The following ABCC12 variants were observed in gnomAD, a reference collection of about 807,000 sequenced individuals.
ABCC12 encodes ATP-binding cassette sub-family C member 12.
A neutral mutation model predicts 151.1 loss-of-function variants in ABCC12; 142 were observed. That is an observed-to-expected ratio of 0.94 (90% CI 0.82 to 1.08). The LOEUF (loss-of-function observed/expected upper bound fraction) is 1.08. Ranked by LOEUF, ABCC12 falls within the 50% of genes least tolerant of loss-of-function variation. ABCC12 has a pLI of 0.00. For missense variants in ABCC12, 1,638 were observed against 1,691.1 expected, an observed-to-expected ratio of 0.97 and a Z score of 0.55; for synonymous variants, 645 against 646.4, an observed-to-expected ratio of 1.00 and a Z score of 0.03.
At chr16:48,108,367 G>T in intron 19 of ABCC12, 73 bp downstream of exon 19, 1 of 1,339,210 alleles carries the variant, frequency 7.5e-7, no homozygotes, top group Non-Finnish European at 1.1e-6. Context: ...ATCATAAAAC[G>T]TGAACCCAAC....
chr16:48,146,375 C>A lies in ABCC12; in HGVS notation c.50G>T (p.Arg17Leu). Residue 17 changes from arginine (R) to leucine (L), a missense_variant, in exon 3 of 31, where the codon CGG becomes CTG. Physicochemically the swap from Arg to Leu is moderately radical, Grantham distance 102 (BLOSUM62 -2). Coordinates refer to ENST00000311303, the MANE Select transcript of ABCC12 (RefSeq NM_001393797.1). Reference sequence around the variant, plus strand: ...ATATCTTTCTGCAAAGGATCTCCGCCGGCCTCGCTGGTCCAGATCTGAGAT... The same window carrying A: ...ATATCTTTCTGCAAAGGATCTCCGCAGGCCTCGCTGGTCCAGATCTGAGAT... The part of the protein sequence containing the change: ...YLISDLDQRG[R>L]RRSFAERYDP... 6.2e-7 allele frequency: 1 copy of A among 1,614,158 alleles called. No individual in the cohort carries two copies. Among genetic ancestry groups the A allele is most frequent in the South Asian group, 1.1e-5 (1 of 91,088 alleles).
chr16:48,128,849 C>T (rs898589938), intron 10 of ABCC12, 112 bp from the exon 11 acceptor site: 1 of 1,206,112 alleles, frequency 8.3e-7, no homozygotes, highest in Non-Finnish European at 1.2e-6. Flanking sequence ...TAACCCACCA[C>T]ATCCAGGAAA....
intron 2 of ABCC12, among the ~76,000 whole-genome samples, chr16:48,147,554 G>A (rs1448348014): frequency 6.6e-6 from 1 of 152,198 alleles, no homozygotes; most frequent in Non-Finnish European, 1.5e-5. Context: ...AGAGCTGGAA[G>A]TGTCCTCAGA....
chr16:48,152,044 G>A (rs1027206814), intron 2 of ABCC12, among the ~76,000 whole-genome samples: 1 of 152,204 alleles, frequency 6.6e-6, no homozygotes, highest in Non-Finnish European at 1.5e-5. Context: ...ACTTAGGTAA[G>A]AGTCGAGACA....
chr16:48,125,113 A>C (rs1964197279), intron 11 of ABCC12, among the ~76,000 whole-genome samples: 1 of 152,232 alleles, frequency 6.6e-6, no homozygotes, highest in South Asian at 2.1e-4. Context: ...ATTTGAATGA[A>C]AGTCACACTC....
chr16:48,154,385 A>C (rs1158988042), intron 1 of ABCC12, among the ~76,000 whole-genome samples: 1 of 152,172 alleles, frequency 6.6e-6, no homozygotes, highest in African/African-American at 2.4e-5. Flanking sequence ...AAAAAAAATA[A>C]GACTGGCTTC....
At chr16:48,146,539 C>A in intron 2 of ABCC12, 65 bp from the exon 3 acceptor site, 1 of 800,608 alleles carries the variant, frequency 1.2e-6, no homozygotes. Context: ...CAGGCAGCCT[C>A]TACTTTACCC....
chr16:48,130,384 A>T (rs771803147), intron 10 of ABCC12, among the ~76,000 whole-genome samples: 2 of 152,220 alleles, frequency 1.3e-5, no homozygotes, highest in African/African-American at 2.4e-5. Flanking sequence ...GAATAAAGGG[A>T]CTAAATGAGT....
chr16:48,095,094 C>T (rs1963046581), intron 24 of ABCC12, among the ~76,000 whole-genome samples: 1 of 152,144 alleles, frequency 6.6e-6, no homozygotes, highest in African/African-American at 2.4e-5. Context: ...GGCTTTGTCC[C>T]CACACAAATC....
intron 24 of ABCC12, among the ~76,000 whole-genome samples, chr16:48,092,707 G>C: frequency 6.6e-6 from 1 of 152,168 alleles, no homozygotes; most frequent in East Asian, 1.9e-4. Context: ...GGCAGGGATG[G>C]TGCACAAGGC....
chr16:48,124,113 T>C lies in ABCC12; in HGVS notation c.1587+100A>G, dbSNP rs1189466191. 1.7e-5 allele frequency: 22 copies of C among 1,268,206 alleles called. No homozygotes were observed. The East Asian group carries it at 4.6e-4, about 27-fold the overall frequency. 78.6% of individuals were successfully genotyped at this position (1,268,206 alleles called of 1,614,324 possible). On this transcript the variant is annotated intron_variant, in intron 12 of 30. Transcript: ENST00000311303. ...TGTGAACCACATGCACAGTGTCCAG[T>C]GCAGCCGAGGCCATCTGCTGGGTCC...
In ABCC12 at chr16:48,096,739, GCAT is replaced by G. The variant is rs1215091595; in HGVS notation, c.3195+4_3195+6del. 1 of 1,613,744 alleles carries G rather than the reference GCAT, an allele frequency of 6.2e-7. No homozygotes were observed. Among genetic ancestry groups the G allele is most frequent in the African/African-American group, 1.3e-5 (1 of 74,912 alleles). ...CAGACTAAGCCCAACTTTGCACCAG[GCAT>G]TACCTGGATGATGTATGACAATGAC... is the stretch of plus-strand genomic sequence containing the variant. On this transcript the variant is annotated splice_donor_5th_base_variant and intron_variant, in intron 24 of 30. Transcript: ENST00000311303.
At chr16:48,148,982 G>A (rs867703001) in intron 2 of ABCC12, among the ~76,000 whole-genome samples, 3 of 151,878 alleles carry the variant, frequency 2.0e-5, no homozygotes, top group Middle Eastern at 3.4e-3. Flanking sequence ...TGTTTAATAC[G>A]TATTTGTTGA....
intron 2 of ABCC12, chr16:48,146,676 G>A (rs1965014992): frequency 1.2e-5 from 5 of 412,096 alleles, no homozygotes; most frequent in Admixed American, 8.0e-5. Context: ...CTTATTAGTA[G>A]GACCATTTAA....
At chr16:48,153,973 G>A (rs1965150501) in intron 1 of ABCC12, 89 bp from the exon 2 acceptor site, 1 of 152,418 alleles carries the variant, frequency 6.6e-6, no homozygotes, top group Non-Finnish European at 1.5e-5. Flanking sequence ...TCCTCTGCCA[G>A]GAGTGAGGAG....
intron 24 of ABCC12, among the ~76,000 whole-genome samples, chr16:48,092,264 G>A (rs576610398): frequency 6.6e-6 from 1 of 152,342 alleles, no homozygotes; most frequent in Admixed American, 6.5e-5. Flanking sequence ...GTACCAGGAG[G>A]GGATGGAGGA....
chr16:48,136,714 AG>A (rs1425266715), intron 8 of ABCC12, among the ~76,000 whole-genome samples: 8 of 152,218 alleles, frequency 5.3e-5, no homozygotes, highest in Non-Finnish European at 1.0e-4. Flanking sequence ...GACATTGAGA[AG>A]AGACCTAAAG....
At chr16:48,148,097 G>A (rs1175366775) in intron 2 of ABCC12, among the ~76,000 whole-genome samples, 1 of 152,058 alleles carries the variant, frequency 6.6e-6, no homozygotes, top group Non-Finnish European at 1.5e-5. Flanking sequence ...AGAGGTGCAC[G>A]CCACTGCGTC....
At chr16:48,099,123 A>T (rs2150597673) in intron 23 of ABCC12, among the ~76,000 whole-genome samples, 1 of 152,294 alleles carries the variant, frequency 6.6e-6, no homozygotes. Context: ...GCAATTCTAA[A>T]TTTAATGCAA....
Sources: allele counts gnomAD v4.1 joint callset (sites outside exome capture counted in the v4.1 genomes callset), GRCh38; gene constraint gnomAD v4.1.1; transcripts MANE v1.5; gene names NCBI Gene and HGNC (gene_info 2026-07-23, HGNC 2026-07-21).